Variants in ARHGAP24 observed in about 807,000 individuals in gnomAD.
ARHGAP24 encodes Rho GTPase activating protein 24, also known as rho GTPase-activating protein 24.
Under a neutral mutation model 76.4 loss-of-function variants are expected in ARHGAP24, and 50 were observed. The observed-to-expected ratio is 0.65, with a 90% CI of 0.52 to 0.83. The LOEUF is 0.83. Among genes scored for constraint, ARHGAP24 ranks in the 40% least tolerant of loss-of-function variants. The pLI, the probability that ARHGAP24 is intolerant of heterozygous loss-of-function variation, is 0.00. For missense variants in ARHGAP24, 930 were observed against 914.2 expected (o/e 1.02, Z -0.22); for synonymous variants, 345 against 323.3 (o/e 1.07, Z -0.72).
At chr4:85,660,794 CAAAAAAAAA>C (rs34228407) in intron 2 of ARHGAP24, among the ~76,000 whole-genome samples, 2 of 59,438 alleles carry the variant, frequency 3.4e-5, no homozygotes, top group African/African-American at 5.9e-5. Context: ...GACTCCGTCT[CAAAAAAAAA>C]AAAAAAAAAA....
intron 1 of ARHGAP24, among the ~76,000 whole-genome samples, chr4:85,490,657 G>A (rs1424812602): frequency 6.6e-6 from 1 of 152,192 alleles, no homozygotes; most frequent in African/African-American, 2.4e-5. Flanking sequence ...TTGTTTGGGA[G>A]CTTTGAGGAA....
intron 8 of ARHGAP24, among the ~76,000 whole-genome samples, chr4:85,983,636 A>G (rs1560764979): frequency 6.6e-6 from 1 of 152,228 alleles, no homozygotes; most frequent in African/African-American, 2.4e-5. Flanking sequence ...ACTGATCATT[A>G]GAGAAATGCA....
chr4:85,972,111 T>A lies in ARHGAP24; in HGVS notation c.675T>A (p.Tyr225Ter). ...LRELPEPVIP[Y>*]AKYEDFLSCA... ...AACTTCCAGAACCAGTTATTCCTTA[T>A]GCGAAGTATGAAGATTTTTTGTCAT... The change falls in exon 6 of 10, where the codon TAT becomes TAA. Residue 225 changes from tyrosine to a stop codon, truncating the protein, a stop_gained. Coordinates refer to ENST00000395184, the MANE Select transcript of ARHGAP24 (RefSeq NM_001025616.3). LOFTEE classifies it high-confidence loss of function. 1 of 1,614,036 alleles carries A rather than the reference T, an allele frequency of 6.2e-7. No homozygotes were observed. Among genetic ancestry groups the A allele is most frequent in the Non-Finnish European group, 8.5e-7 (1 of 1,179,976 alleles).
chr4:85,762,053 A>G (rs570798853), intron 3 of ARHGAP24, among the ~76,000 whole-genome samples: 2 of 152,178 alleles, frequency 1.3e-5, no homozygotes, highest in Non-Finnish European at 2.9e-5. Flanking sequence ...GTAAAATTGC[A>G]CCACCAGTAA....
chr4:85,881,425 A>G (rs1456618980), intron 3 of ARHGAP24, among the ~76,000 whole-genome samples: 2 of 151,508 alleles, frequency 1.3e-5, no homozygotes, highest in African/African-American at 4.9e-5. Flanking sequence ...TTAAAAAGAT[A>G]CGGTTGAGGA....
rs141911035 is a variant in ARHGAP24, at chr4:85,596,968, C to T, written c.180+26247C>T. Among the ~76,000 whole-genome samples the T allele has an allele frequency of 9.4e-3, 1,424 of 152,098 alleles. 13 individuals carry two copies. The highest frequency in any genetic ancestry group is 0.037 in the Middle Eastern group (11 of 294). Reference sequence around the variant, plus strand: ...TTACTTTAAAAACATATAAATCCATCGTTTGTAAACAAAAAGAAGATATCC... The same window carrying T: ...TTACTTTAAAAACATATAAATCCATTGTTTGTAAACAAAAAGAAGATATCC... On this transcript the variant is annotated intron_variant, in intron 2 of 9. Coordinates refer to ENST00000395184, the MANE Select transcript of ARHGAP24 (RefSeq NM_001025616.3).
At position 85,590,863 on chromosome 4, in the gene ARHGAP24, A is replaced by G. The variant is rs185233436; in HGVS notation, c.180+20142A>G. 5.0e-4 allele frequency among the ~76,000 whole-genome samples: 76 copies of G among 152,154 alleles called. No homozygotes were observed. In the East Asian group the frequency reaches 0.013, roughly 26 times the overall value. On this transcript the variant is annotated intron_variant, in intron 2 of 9. Coordinates refer to ENST00000395184, the MANE Select transcript of ARHGAP24 (RefSeq NM_001025616.3). Reference sequence around the variant, plus strand: ...TTTAACATAAGGATCTTCACTTTTTAAAGAAATTTGTCATGACTTTTAAAA... The same window carrying G: ...TTTAACATAAGGATCTTCACTTTTTGAAGAAATTTGTCATGACTTTTAAAA...
chr4:85,911,586 A>G (rs1295564729), intron 3 of ARHGAP24, among the ~76,000 whole-genome samples: 2 of 152,190 alleles, frequency 1.3e-5, no homozygotes, highest in East Asian at 3.8e-4. Context: ...CATTGAAGAC[A>G]TTGTGCCTTA....
intron 1 of ARHGAP24, among the ~76,000 whole-genome samples, chr4:85,484,756 A>C (rs1315932487): frequency 2.6e-5 from 4 of 152,050 alleles, no homozygotes; most frequent in Non-Finnish European, 5.9e-5. Flanking sequence ...AGCTGGGACT[A>C]TAGGCGTGCA....
At chr4:85,869,979 T>G (rs1732432106) in intron 3 of ARHGAP24, among the ~76,000 whole-genome samples, 1 of 152,174 alleles carries the variant, frequency 6.6e-6, no homozygotes, top group Non-Finnish European at 1.5e-5. Flanking sequence ...GACTAGTGTC[T>G]CAACATTTCT....
At chr4:85,513,084 C>T (rs773515702) in intron 1 of ARHGAP24, among the ~76,000 whole-genome samples, 3 of 152,234 alleles carry the variant, frequency 2.0e-5, no homozygotes, top group Non-Finnish European at 4.4e-5. Context: ...ACTGTCATTT[C>T]TTTGGCTAAA....
In ARHGAP24 at chr4:85,554,791, C is replaced by T. The variant is rs191818025; in HGVS notation, c.-20-15731C>T. On this transcript the variant is annotated intron_variant, in intron 1 of 9. Coordinates refer to ENST00000395184, the MANE Select transcript of ARHGAP24 (RefSeq NM_001025616.3). ...GTTCACGCCATTCTCCTGCCTCAGC[C>T]TCCTGAGTAGCTGGGACTACAGGTG... Among the ~76,000 whole-genome samples the T allele has an allele frequency of 6.5e-3, 995 of 152,058 alleles. 11 individuals carry two copies. The highest frequency in any genetic ancestry group is 8.4e-3 in the Non-Finnish European group (568 of 68,008).
intron 2 of ARHGAP24, among the ~76,000 whole-genome samples, chr4:85,601,289 G>A (rs1471587463): frequency 6.6e-6 from 1 of 152,144 alleles, no homozygotes. Context: ...TGTTAAATAA[G>A]TAAATGAATG....
chr4:85,861,057 C>T (rs1731871348), intron 3 of ARHGAP24, among the ~76,000 whole-genome samples: 1 of 151,508 alleles, frequency 6.6e-6, no homozygotes, highest in Non-Finnish European at 1.5e-5. Flanking sequence ...TCCCACTTCA[C>T]TAGATTAAAT....
chr4:85,822,926 G>T lies in ARHGAP24; in HGVS notation c.269-100722G>T, dbSNP rs1043457645. Among the ~76,000 whole-genome samples the T allele has an allele frequency of 4.6e-5, 7 of 152,066 alleles. 1 individual carries two copies. Among genetic ancestry groups the T allele is most frequent in the African/African-American group, 1.7e-4 (7 of 41,390 alleles). On this transcript the variant is annotated intron_variant, in intron 3 of 9. Coordinates refer to ENST00000395184, the MANE Select transcript of ARHGAP24 (RefSeq NM_001025616.3). Reference sequence around the variant, plus strand: ...AGCAGCATCTAGAATTTTGTTATGTGTACCCATGAATATTTTTAATGCAGA... The same window carrying T: ...AGCAGCATCTAGAATTTTGTTATGTTTACCCATGAATATTTTTAATGCAGA...
chr4:85,978,041 A>G (rs1739441105), intron 8 of ARHGAP24, among the ~76,000 whole-genome samples: 1 of 152,256 alleles, frequency 6.6e-6, no homozygotes, highest in South Asian at 2.1e-4. Flanking sequence ...TTCAGTTAAT[A>G]TACATTTTTA....
chr4:85,885,136 G>A (rs772407356), intron 3 of ARHGAP24, among the ~76,000 whole-genome samples: 1 of 152,048 alleles, frequency 6.6e-6, no homozygotes, highest in Non-Finnish European at 1.5e-5. Context: ...TTTTAGGAGG[G>A]CATTTTAGGA....
intron 1 of ARHGAP24, among the ~76,000 whole-genome samples, chr4:85,515,439 A>G (rs1213336224): frequency 6.7e-6 from 1 of 149,798 alleles, no homozygotes; most frequent in Non-Finnish European, 1.5e-5. Flanking sequence ...CTATACAGGT[A>G]ATCATTGTTT....
At chr4:85,545,474 G>A (rs1458697157) in intron 1 of ARHGAP24, among the ~76,000 whole-genome samples, 1 of 152,122 alleles carries the variant, frequency 6.6e-6, no homozygotes, top group Non-Finnish European at 1.5e-5. Flanking sequence ...AGGACCTAGC[G>A]CATGAGCCTC....
Sources: allele counts gnomAD v4.1 joint callset (sites outside exome capture counted in the v4.1 genomes callset), GRCh38; gene constraint gnomAD v4.1.1; transcripts MANE v1.5; gene names NCBI Gene and HGNC (gene_info 2026-07-23, HGNC 2026-07-21).